Variants in PTBP2 observed in about 807,000 individuals in gnomAD.
PTBP2 encodes the protein polypyrimidine tract-binding protein 2.
PTBP2 carries 13 observed loss-of-function variants against 61.4 expected under a neutral mutation model. The ratio of observed to expected loss-of-function variants is 0.21; its 90% CI spans 0.14 to 0.34. The LOEUF (loss-of-function observed/expected upper bound fraction) is 0.34. Among genes scored for constraint, PTBP2 ranks in the 10% least tolerant of loss-of-function variants. The pLI is 1.00. For missense variants in PTBP2, 405 were observed against 642.6 expected (o/e 0.63, Z 4.00); for synonymous variants, 215 against 218.5 (o/e 0.98, Z 0.14).
chr1:96,793,927 AC>A lies in PTBP2; in HGVS notation c.904+8675del, dbSNP rs1660109685. On this transcript the variant is annotated intron_variant, in intron 8 of 13. Coordinates refer to ENST00000674951, the MANE Select transcript of PTBP2 (RefSeq NM_021190.4). The stretch of plus-strand genomic sequence containing the variant: ...TACGTCATTTCATGTTTACATACTG[AC>A]CAGCATTTTCAATGAAATAAGCTTA... 3.3e-5 allele frequency among the ~76,000 whole-genome samples: 5 copies of A among 152,316 alleles called. No homozygotes were observed. In the South Asian group the frequency reaches 6.2e-4, roughly 19 times the overall value.
Position 96,721,876 on chromosome 1 carries a change from T to G in PTBP2, c.8+4T>G. The stretch of plus-strand genomic sequence containing the variant: ...TGTCCGGTTCGGCAATGGACGGGTA[T>G]GTAATCGGGCCGGCGAGAAGGTGTG... On this transcript the variant is annotated splice_donor_region_variant and intron_variant, in intron 1 of 13. Transcript: ENST00000674951. 6.3e-7 allele frequency: 1 copy of G among 1,575,676 alleles called. No homozygotes were observed. The highest frequency in any genetic ancestry group is 8.6e-7 in the Non-Finnish European group (1 of 1,160,564).
chr1:96,770,643 G>T, intron 4 of PTBP2, 65 bp from the exon 5 acceptor site: 1 of 1,302,922 alleles, frequency 7.7e-7, no homozygotes, highest in South Asian at 1.3e-5. Context: ...CATCTGAATA[G>T]ATTGCTTAGA....
chr1:96,780,112 C>T (rs906828271), intron 7 of PTBP2, among the ~76,000 whole-genome samples: 10 of 152,026 alleles, frequency 6.6e-5, no homozygotes, highest in Admixed American at 5.9e-4. Flanking sequence ...AATACTCACA[C>T]TTGTCTTTCT....
chr1:96,763,268 T>C (rs2100979837), intron 3 of PTBP2, among the ~76,000 whole-genome samples: 1 of 152,194 alleles, frequency 6.6e-6, no homozygotes, highest in Middle Eastern at 3.4e-3. Context: ...ATCACGCCAC[T>C]GCACTCCAGC....
chr1:96,780,071 A>C (rs1228203071), intron 7 of PTBP2, among the ~76,000 whole-genome samples: 1 of 152,052 alleles, frequency 6.6e-6, no homozygotes, highest in Non-Finnish European at 1.5e-5. Flanking sequence ...ATCACATGGA[A>C]GCTTCATCAG....
intron 8 of PTBP2, among the ~76,000 whole-genome samples, chr1:96,802,649 G>A (rs2101176683): frequency 6.6e-6 from 1 of 152,270 alleles, no homozygotes; most frequent in South Asian, 2.1e-4. Context: ...GTTAAAAAGG[G>A]AATTTGAGGC....
chr1:96,778,738 C>T (rs1424182953), intron 7 of PTBP2, among the ~76,000 whole-genome samples: 1 of 151,946 alleles, frequency 6.6e-6, no homozygotes, highest in Non-Finnish European at 1.5e-5. Context: ...TTCATTCATT[C>T]TTTTACTTTC....
chr1:96,762,427 A>ACCCCCCCACCTCCCTCCCGGACGGGGCG lies in PTBP2; in HGVS notation c.116-7276_116-7275insCCCCCCCACCTCCCTCCCGGACGGGGCG, dbSNP rs1656032432. Among the ~76,000 whole-genome samples, 5 of 107,132 alleles carry ACCCCCCCACCTCCCTCCCGGACGGGGCG rather than the reference A, an allele frequency of 4.7e-5. 1 individual carries two copies. Among genetic ancestry groups the ACCCCCCCACCTCCCTCCCGGACGGGGCG allele is most frequent in the African/African-American group, 1.8e-4 (5 of 27,782 alleles). 70.3% of individuals were successfully genotyped at this position (107,132 alleles called of 152,430 possible). A position where few individuals can be genotyped will look rare whatever the true frequency, so the allele number is the denominator to read the frequency against. On this transcript the variant is annotated intron_variant, in intron 3 of 13. Coordinates refer to ENST00000674951, the MANE Select transcript of PTBP2 (RefSeq NM_021190.4). The stretch of plus-strand genomic sequence containing the variant: ...CCCCCACCTCCCTCCCGGATGGGGC[A>ACCCCCCCACCTCCCTCCCGGACGGGGCG]GCTGGCCGGGCGGGGGGCTGACCCC...
intron 8 of PTBP2, among the ~76,000 whole-genome samples, chr1:96,790,623 A>T (rs1012287772): frequency 2.0e-5 from 3 of 152,148 alleles, no homozygotes; most frequent in African/African-American, 7.2e-5. Flanking sequence ...AATTAGTTAA[A>T]TTCTTGCATT....
chr1:96,729,570 G>A (rs1289307171), intron 2 of PTBP2, among the ~76,000 whole-genome samples: 1 of 151,968 alleles, frequency 6.6e-6, no homozygotes, highest in Non-Finnish European at 1.5e-5. Context: ...TGTTTTGTCG[G>A]GAGGTTTTAA....
At chr1:96,789,970 A>G (rs748625338) in intron 8 of PTBP2, among the ~76,000 whole-genome samples, 1 of 152,110 alleles carries the variant, frequency 6.6e-6, no homozygotes, top group Admixed American at 6.5e-5. Flanking sequence ...AATTTCCCCA[A>G]TTATTTTGAA....
At chr1:96,803,772 T>C (rs1056561721) in intron 8 of PTBP2, among the ~76,000 whole-genome samples, 5 of 152,206 alleles carry the variant, frequency 3.3e-5, no homozygotes, top group African/African-American at 7.2e-5. Flanking sequence ...TGTGAACTTA[T>C]GGAACAAGAG....
intron 2 of PTBP2, among the ~76,000 whole-genome samples, chr1:96,732,561 A>T (rs186694697): frequency 1.3e-5 from 2 of 152,280 alleles, no homozygotes; most frequent in East Asian, 3.9e-4. Context: ...ATATGCTCAT[A>T]CTCTAATGAG....
intron 2 of PTBP2, among the ~76,000 whole-genome samples, chr1:96,734,870 A>G (rs1651933586): frequency 1.4e-5 from 2 of 145,660 alleles, no homozygotes; most frequent in Admixed American, 1.4e-4. Flanking sequence ...TGCTAGGCAT[A>G]GTCTGTGCTC....
At chr1:96,731,746 A>G (rs1254991610) in intron 2 of PTBP2, among the ~76,000 whole-genome samples, 1 of 152,100 alleles carries the variant, frequency 6.6e-6, no homozygotes, top group African/African-American at 2.4e-5. Flanking sequence ...CAGTGAGACT[A>G]TTAAGAAAGA....
exon 14 of PTBP2, chr1:96,822,559 T>C (rs1433159930): frequency 2.0e-5 from 3 of 152,230 alleles, no homozygotes; most frequent in Non-Finnish European, 4.4e-5. Context: ...TGAATTTATG[T>C]TCATTAAAAT....
rs973972800 is a variant in PTBP2 at position 96,770,965 on chromosome 1, G to C, written c.432+114G>C. ...AGATGTTCCTTATAGGCATTTTCTT[G>C]TTATTTTTAAGGTATTTTCATGCAG... is the stretch of plus-strand genomic sequence containing the variant. On this transcript the variant is annotated intron_variant, in intron 5 of 13. Coordinates refer to ENST00000674951, the MANE Select transcript of PTBP2 (RefSeq NM_021190.4). 16 of 883,566 alleles carry C rather than the reference G, an allele frequency of 1.8e-5. No homozygotes were observed. In the South Asian group the frequency reaches 3.2e-4, roughly 18 times the overall value. The allele number at this position is 883,566 out of a possible 1,614,324, so 54.7% of individuals were successfully genotyped here.
At chr1:96,729,926 C>T (rs1197928269) in intron 2 of PTBP2, among the ~76,000 whole-genome samples, 1 of 151,794 alleles carries the variant, frequency 6.6e-6, no homozygotes, top group Non-Finnish European at 1.5e-5. Flanking sequence ...TTAGTAGAGA[C>T]GGGGTTTCAC....
chr1:96,725,802 G>A (rs116480669), intron 2 of PTBP2, among the ~76,000 whole-genome samples: 1,965 of 151,828 alleles, frequency 0.013, 23 homozygotes, highest in South Asian at 0.042. Flanking sequence ...AATTCAGGCC[G>A]GGCGCGGTGG....
Sources: gnomAD v4.1 joint callset for allele counts (sites outside exome capture counted in the v4.1 genomes callset) on GRCh38, gnomAD v4.1.1 for gene constraint, MANE v1.5 for transcripts, NCBI Gene and HGNC (gene_info 2026-07-23, HGNC 2026-07-21) for gene names.